The following KCNH8 variants were observed in gnomAD, a reference collection of about 807,000 sequenced individuals.
The protein encoded by KCNH8 is potassium voltage-gated channel subfamily H member 8.
In KCNH8, 70 loss-of-function variants were observed where a neutral mutation model predicts 103.6. The observed-to-expected ratio is 0.68, with a 90% CI of 0.56 to 0.82. The LOEUF is 0.82. Ranked by LOEUF, KCNH8 falls within the 40% of genes least tolerant of loss-of-function variation. The pLI, the probability that KCNH8 is intolerant of heterozygous loss-of-function variation, is 0.00. For synonymous variants in KCNH8, 498 were observed against 489.4 expected, an observed-to-expected ratio of 1.02 and a Z score of -0.23; for missense variants, 1,217 against 1,329.9, an observed-to-expected ratio of 0.92 and a Z score of 1.32.
intron 3 of KCNH8, among the ~76,000 whole-genome samples, chr3:19,303,616 C>T (rs1002416024): frequency 4.6e-5 from 7 of 152,102 alleles, no homozygotes; most frequent in Admixed American, 2.0e-4. Flanking sequence ...CCTTCCAAAG[C>T]TATCACGTTC....
chr3:19,153,008 C>T (rs1363354058), intron 1 of KCNH8, among the ~76,000 whole-genome samples: 1 of 150,490 alleles, frequency 6.6e-6, no homozygotes, highest in Non-Finnish European at 1.5e-5. Context: ...AGGAAATTCT[C>T]AGTGGTTTTT....
intron 7 of KCNH8, among the ~76,000 whole-genome samples, chr3:19,431,300 A>T (rs1224215315): frequency 6.6e-6 from 1 of 152,226 alleles, no homozygotes; most frequent in Non-Finnish European, 1.5e-5. Flanking sequence ...TGATTTGTGT[A>T]TGTTGAACCA....
intron 1 of KCNH8, among the ~76,000 whole-genome samples, chr3:19,220,170 G>A (rs1312330209): frequency 6.6e-6 from 1 of 152,182 alleles, no homozygotes; most frequent in Non-Finnish European, 1.5e-5. Context: ...ATGAGGGCAA[G>A]CAGGTCTTGG....
At chr3:19,423,636 T>TTG (rs149629798) in intron 7 of KCNH8, among the ~76,000 whole-genome samples, 97,142 of 149,728 alleles carry the variant, frequency 0.65, 31,563 homozygotes, top group Middle Eastern at 0.7. Context: ...TAATATTCCA[T>TTG]TGTGTGTGTG....
intron 7 of KCNH8, among the ~76,000 whole-genome samples, chr3:19,418,736 T>C (rs2066899360): frequency 6.6e-6 from 1 of 152,196 alleles, no homozygotes; most frequent in Admixed American, 6.5e-5. Context: ...TTGATTGATA[T>C]AATAATTTAG....
Position 19,313,700 on chromosome 3 carries a change from GA to G in KCNH8, c.443-28873del, listed in dbSNP as rs948970398. The stretch of plus-strand genomic sequence containing the variant: ...TCTGATACTCCCTCAGATTCATTTG[GA>G]AAAAAAAAAAAAACAACTCAATAAC... On this transcript the variant is annotated intron_variant, in intron 3 of 15. Coordinates refer to ENST00000328405, the MANE Select transcript of KCNH8 (RefSeq NM_144633.3). Among the ~76,000 whole-genome samples the G allele has an allele frequency of 1.5e-3, 194 of 126,164 alleles. 1 individual carries two copies. Among genetic ancestry groups the G allele is most frequent in the South Asian group, 2.6e-3 (9 of 3,476 alleles). The allele number at this position is 126,164 out of a possible 152,430, so 82.8% of individuals were successfully genotyped here.
At chr3:19,515,672 T>C (rs151163203) in intron 14 of KCNH8, among the ~76,000 whole-genome samples, 1 of 152,150 alleles carries the variant, frequency 6.6e-6, no homozygotes, top group East Asian at 1.9e-4. Flanking sequence ...GTAATTGATA[T>C]GCCAGGAGAC....
chr3:19,485,103 G>C (rs911172769), intron 11 of KCNH8, among the ~76,000 whole-genome samples: 1 of 152,146 alleles, frequency 6.6e-6, no homozygotes, highest in Non-Finnish European at 1.5e-5. Context: ...TAGCTTCCAA[G>C]TGATTCCTAA....
In KCNH8 at chr3:19,451,304, G is replaced by A; in HGVS notation, c.1725G>A (p.Gly575=). 1.9e-6 allele frequency: 3 copies of A among 1,613,910 alleles called. No homozygotes were observed. The highest frequency in any genetic ancestry group is 1.1e-5 in the South Asian group (1 of 91,082). ...LHIKTSFCAP[G]EYLLRQGDAL... ...TCAAAACCTCTTTCTGTGCTCCGGG[G>A]GAGTATCTGCTGCGTCAAGGGGATG... Residue 575 remains glycine (G), a synonymous_variant, in exon 10 of 16, where the codon GGG becomes GGA. Coordinates refer to ENST00000328405, the MANE Select transcript of KCNH8 (RefSeq NM_144633.3).
chr3:19,297,981 G>T (rs183713139), intron 3 of KCNH8, among the ~76,000 whole-genome samples: 1 of 152,262 alleles, frequency 6.6e-6, no homozygotes, highest in Non-Finnish European at 1.5e-5. Context: ...CGTGTCTTTT[G>T]CTGGTGTTTT....
chr3:19,374,689 C>T (rs2066162625), intron 5 of KCNH8, among the ~76,000 whole-genome samples: 4 of 151,926 alleles, frequency 2.6e-5, no homozygotes, highest in Admixed American at 2.6e-4. Context: ...GATGCAGTTT[C>T]TTCCTAGTCT....
rs2064407500 is a variant in KCNH8 at position 19,259,957 on chromosome 3, G to T, written c.310+6070G>T. ...CTGTTGAATAAATGAAAACTGTTGT[G>T]TGGAAATAGGGAGGGCTGAAGAGGC... On this transcript the variant is annotated intron_variant, in intron 2 of 15. Transcript: ENST00000328405. Among the ~76,000 whole-genome samples the T allele has an allele frequency of 2.6e-5, 4 of 151,698 alleles. No individual in the cohort carries two copies. The Admixed American group carries it at 2.6e-4, about 10-fold the overall frequency.
intron 7 of KCNH8, among the ~76,000 whole-genome samples, chr3:19,430,018 A>G (rs1178657528): frequency 1.3e-5 from 2 of 152,302 alleles, no homozygotes; most frequent in East Asian, 1.9e-4. Flanking sequence ...TAGTGCTGCA[A>G]TGAATGTATG....
At chr3:19,274,903 C>T (rs1017590574) in intron 2 of KCNH8, among the ~76,000 whole-genome samples, 1 of 124,938 alleles carries the variant, frequency 8.0e-6, no homozygotes, top group Admixed American at 8.2e-5. Flanking sequence ...TCCCTTCCCT[C>T]TCTCTCTCTC....
intron 1 of KCNH8, among the ~76,000 whole-genome samples, chr3:19,160,608 C>A (rs941312760): frequency 6.6e-6 from 1 of 152,094 alleles, no homozygotes; most frequent in African/African-American, 2.4e-5. Flanking sequence ...AGCAGCTTTG[C>A]TTTCCATGAT....
At chr3:19,446,069 C>T (rs982134340) in intron 8 of KCNH8, among the ~76,000 whole-genome samples, 1 of 151,968 alleles carries the variant, frequency 6.6e-6, no homozygotes, top group Non-Finnish European at 1.5e-5. Context: ...TACACAGTCT[C>T]ATTATCAAAA....
chr3:19,230,940 A>T (rs930777995), intron 1 of KCNH8, among the ~76,000 whole-genome samples: 5 of 152,230 alleles, frequency 3.3e-5, no homozygotes, highest in African/African-American at 1.2e-4. Context: ...CTTAAGAAAG[A>T]TGTAAAATGC....
chr3:19,307,554 TA>T (rs1485670488), intron 3 of KCNH8, among the ~76,000 whole-genome samples: 1 of 151,946 alleles, frequency 6.6e-6, no homozygotes, highest in East Asian at 1.9e-4. Context: ...TATCCAAAGA[TA>T]AGGAAATCAT....
chr3:19,477,285 T>G (rs1282104431), intron 11 of KCNH8, among the ~76,000 whole-genome samples: 1 of 152,150 alleles, frequency 6.6e-6, no homozygotes, highest in African/African-American at 2.4e-5. Flanking sequence ...ATTCCCAACA[T>G]GAATTCAATT....
Sources: allele counts gnomAD v4.1 joint callset (sites outside exome capture counted in the v4.1 genomes callset), GRCh38; gene constraint gnomAD v4.1.1; transcripts MANE v1.5; gene names NCBI Gene and HGNC (gene_info 2026-07-23, HGNC 2026-07-21).